TP53AIP1: variants seen among roughly 807,000 people sequenced by gnomAD.
The protein encoded by TP53AIP1 is tumor protein p53 regulated apoptosis inducing protein 1.
In TP53AIP1, 14 loss-of-function variants were observed where a neutral mutation model predicts 9.5. The ratio of observed to expected loss-of-function variants is 1.47; its 90% CI spans 0.97 to 2.30. The LOEUF is 2.30. TP53AIP1 is among the 30% of genes most tolerant of loss of function. TP53AIP1 has a pLI of 0.00. For synonymous variants in TP53AIP1, 73 were observed against 61.2 expected (o/e 1.19, Z -0.90); for missense variants, 153 against 146.7 (o/e 1.04, Z -0.22).
chr11:128,936,696 TTGGA>T lies in TP53AIP1; in HGVS notation c.142-51_142-48del, dbSNP rs766957711. ...CTGTGAGGCCCTGCAGCGCCGTCTC[TTGGA>T]TGGTTTATTCTTCTCTGGCAGGTTT... On this transcript the variant is annotated intron_variant, in intron 2 of 3. Coordinates refer to ENST00000531399, the MANE Select transcript of TP53AIP1 (RefSeq NM_022112.3). 9.1e-6 allele frequency: 14 copies of T among 1,531,588 alleles called. 1 individual carries two copies. Among genetic ancestry groups the T allele is most frequent in the Middle Eastern group, 3.4e-4 (2 of 5,902 alleles). 94.9% of individuals were successfully genotyped at this position (1,531,588 alleles called of 1,614,324 possible). A position where few individuals can be genotyped will look rare whatever the true frequency, so the allele number is the denominator to read the frequency against.
intron 1 of TP53AIP1, among the ~76,000 whole-genome samples, chr11:128,941,233 G>GC (rs1944936153): frequency 6.6e-6 from 1 of 152,136 alleles, no homozygotes. Context: ...CTGTCTTCTT[G>GC]CCCCGCTCTG....
intron 2 of TP53AIP1, 38 bp from the exon 3 acceptor site, chr11:128,936,687 C>T (rs373379509): frequency 4.8e-5 from 74 of 1,542,806 alleles, no homozygotes; most frequent in African/African-American, 1.9e-4. Context: ...GGCCCTGCAG[C>T]GCCGTCTCTT....
At position 128,939,185 on chromosome 11, in the gene TP53AIP1, G is replaced by A. The variant is rs1944894837; in HGVS notation, c.-76-1291C>T. 6.6e-6 allele frequency among the ~76,000 whole-genome samples: 1 copy of A among 152,176 alleles called. No individual in the cohort carries two copies. Among genetic ancestry groups the A allele is most frequent in the South Asian group, 2.1e-4 (1 of 4,832 alleles). The stretch of plus-strand genomic sequence containing the variant: ...CTTCAATACCAGGATTGAGCCCAAA[G>A]GTCACGTTCTTTCCCTGCGGCTCCC... On this transcript the variant is annotated intron_variant, in intron 1 of 3. Coordinates refer to ENST00000531399, the MANE Select transcript of TP53AIP1 (RefSeq NM_022112.3). This position sits in a 1 kb window ranked among gnomAD's most constrained non-coding sequence, Gnocchi z 4.1.
At position 128,937,275 on chromosome 11, in the gene TP53AIP1, C is replaced by T. The variant is rs1348382522; in HGVS notation, c.141+403G>A. On this transcript the variant is annotated intron_variant, in intron 2 of 3. Coordinates refer to ENST00000531399, the MANE Select transcript of TP53AIP1 (RefSeq NM_022112.3). This position sits in a 1 kb window ranked among gnomAD's most constrained non-coding sequence, Gnocchi z 4.8. The stretch of plus-strand genomic sequence containing the variant: ...AGGATCCGGGGTGGACGCAGAAGAG[C>T]AGGCCCGGAGCCCTGCACCCCAGCC... 38 of 1,317,518 alleles carry T rather than the reference C, an allele frequency of 2.9e-5. No individual in the cohort carries two copies. Among genetic ancestry groups the T allele is most frequent in the Non-Finnish European group, 3.7e-5 (38 of 1,036,444 alleles). 81.6% of individuals were successfully genotyped at this position (1,317,518 alleles called of 1,614,324 possible).
chr11:128,935,309 T>A (rs1369082308), downstream of TP53AIP1: 15 of 1,421,294 alleles, frequency 1.1e-5, no homozygotes, highest in Non-Finnish European at 1.3e-5. Flanking sequence ...TTTGTGGAGA[T>A]GCATCGTTTT....
chr11:128,940,591 CTG>C (rs1188467265), intron 1 of TP53AIP1, among the ~76,000 whole-genome samples: 2 of 152,230 alleles, frequency 1.3e-5, no homozygotes, highest in Non-Finnish European at 2.9e-5. Flanking sequence ...AAAGCAGAGA[CTG>C]GAGCCATCAC....
chr11:128,937,568 G>A lies in TP53AIP1; in HGVS notation c.141+110C>T. On this transcript the variant is annotated intron_variant, in intron 2 of 3. Coordinates refer to ENST00000531399, the MANE Select transcript of TP53AIP1 (RefSeq NM_022112.3). The surrounding 1 kb of genome is among the most constrained non-coding windows in gnomAD (Gnocchi z 4.8). The stretch of plus-strand genomic sequence containing the variant: ...CTCTGAGGACCCAGATGCTGTCACT[G>A]GGTCCTGGTGAGTCTGAAAACTTGG... 6.2e-7 allele frequency: 1 copy of A among 1,614,144 alleles called. No individual in the cohort carries two copies. Among genetic ancestry groups the A allele is most frequent in the Non-Finnish European group, 8.5e-7 (1 of 1,180,016 alleles).
downstream of TP53AIP1, chr11:128,935,044 A>C (rs1291396943): frequency 1.4e-6 from 1 of 703,454 alleles, no homozygotes. Flanking sequence ...CTCTTACTGC[A>C]CTGAAAAACA....
At chr11:128,936,211 G>A (rs1171979908) in intron 3 of TP53AIP1, 1 of 1,080,170 alleles carries the variant, frequency 9.3e-7, no homozygotes, top group Non-Finnish European at 1.1e-6. Context: ...ACTAAAGTTG[G>A]AATGGAAGAC....
In TP53AIP1 at chr11:128,935,518, G is replaced by A; in HGVS notation, c.*73C>T. The A allele has an allele frequency of 6.6e-7, 1 of 1,507,896 alleles. No individual in the cohort carries two copies. The highest frequency in any genetic ancestry group is 1.3e-5 in the South Asian group (1 of 79,360). The allele number at this position is 1,507,896 out of a possible 1,614,324, so 93.4% of individuals were successfully genotyped here. On this transcript the variant is annotated 3_prime_UTR_variant, in exon 4 of 4. Transcript: ENST00000531399. ...CATTTCTCGACGGTGCTTTCTGTTT[G>A]TTTGTTTGTTTTTGTTTTGAGATGG...
chr11:128,936,271 G>C, intron 3 of TP53AIP1: 1 of 1,199,270 alleles, frequency 8.3e-7, no homozygotes, highest in Non-Finnish European at 1.0e-6. Context: ...GCCCATTCCA[G>C]AAAGTTCAGT....
chr11:128,935,335 G>A (rs566741663), downstream of TP53AIP1: 622 of 1,416,672 alleles, frequency 4.4e-4, 1 homozygote, highest in Non-Finnish European at 5.1e-4. Flanking sequence ...TTTAGCAAGT[G>A]GATATTATAG....
chr11:128,935,684 G>C lies in TP53AIP1; in HGVS notation c.282C>G (p.Phe94Leu), dbSNP rs267602776. The change falls in exon 4 of 4, where the codon TTC becomes TTG. Residue 94 changes from phenylalanine to leucine, a missense_variant. By Grantham distance (22) the Phe-to-Leu change is conservative. Coordinates refer to ENST00000531399, the MANE Select transcript of TP53AIP1 (RefSeq NM_022112.3). Reference sequence around the variant, plus strand: ...CTCTAAGCACTGTGGCTCCAGGAAGGAAAGGCCTGGAGAGACCTAGACCAA... The same window carrying C: ...CTCTAAGCACTGTGGCTCCAGGAAGCAAAGGCCTGGAGAGACCTAGACCAA... ...TGLGLGLSRP[F>L]LPGATVLRDR... is the part of the protein sequence containing the mutation. 6.3e-7 allele frequency: 1 copy of C among 1,583,406 alleles called. No homozygotes were observed. The highest frequency in any genetic ancestry group is 8.5e-7 in the Non-Finnish European group (1 of 1,172,374).
At chr11:128,941,636 C>T (rs771772207) in intron 1 of TP53AIP1, among the ~76,000 whole-genome samples, 9 of 152,238 alleles carry the variant, frequency 5.9e-5, no homozygotes, top group African/African-American at 9.6e-5. Context: ...CTGCTTGCCC[C>T]GGCTGCTGGG....
Position 128,939,888 on chromosome 11 carries a change from G to A in TP53AIP1, c.-76-1994C>T, listed in dbSNP as rs897206233. On this transcript the variant is annotated intron_variant, in intron 1 of 3. Coordinates refer to ENST00000531399, the MANE Select transcript of TP53AIP1 (RefSeq NM_022112.3). This position sits in a 1 kb window ranked among gnomAD's most constrained non-coding sequence, Gnocchi z 4.1. ...TCCTTCTATTTCCTGTTTGAAAAGT[G>A]AAGCGTTAACACGAAGGAGGGTCCC... Among the ~76,000 whole-genome samples the A allele has an allele frequency of 6.6e-6, 1 of 152,216 alleles. No individual in the cohort carries two copies. Among genetic ancestry groups the A allele is most frequent in the African/African-American group, 2.4e-5 (1 of 41,448 alleles).
chr11:128,936,329 A>G, intron 3 of TP53AIP1: 1 of 1,368,258 alleles, frequency 7.3e-7, no homozygotes, highest in Non-Finnish European at 9.4e-7. Context: ...GTGTACCGTT[A>G]CCTTTTATTT....
In TP53AIP1 at chr11:128,937,138, A is replaced by C; in HGVS notation, c.142-489T>G. On this transcript the variant is annotated intron_variant, in intron 2 of 3. Coordinates refer to ENST00000531399, the MANE Select transcript of TP53AIP1 (RefSeq NM_022112.3). The surrounding 1 kb of genome is among the most constrained non-coding windows in gnomAD (Gnocchi z 4.8). The stretch of plus-strand genomic sequence containing the variant: ...ATGAATGCATGGCCCCTGCATCCTT[A>C]CCCCCTCCTCAGAGCCCACAAGCTT... The C allele has an allele frequency of 9.3e-7, 1 of 1,069,570 alleles. No homozygotes were observed. The highest frequency in any genetic ancestry group is 3.7e-5 in the South Asian group (1 of 26,940). The allele number at this position is 1,069,570 out of a possible 1,614,324, so 66.3% of individuals were successfully genotyped here. A position where few individuals can be genotyped will look rare whatever the true frequency, so the allele number is the denominator to read the frequency against.
downstream of TP53AIP1, chr11:128,935,245 C>T (rs961867391): frequency 4.8e-5 from 68 of 1,421,872 alleles, no homozygotes; most frequent in East Asian, 2.5e-4. Flanking sequence ...GGAGTGCCCT[C>T]GGGCGTGCCA....
chr11:128,936,591 G>A lies in TP53AIP1; in HGVS notation c.200C>T (p.Ala67Val), dbSNP rs1361209218. 6.3e-7 allele frequency: 1 copy of A among 1,588,582 alleles called. No homozygotes were observed. The highest frequency in any genetic ancestry group is 8.5e-7 in the Non-Finnish European group (1 of 1,175,424). Residue 67 changes from alanine (A) to valine (V), a missense_variant, in exon 3 of 4, where the codon GCT becomes GTT. Transcript: ENST00000531399. ...QVHGGCRGIEALSVSSGSWSS... is the reference protein window; with the variant it reads ...QVHGGCRGIEVLSVSSGSWSS... ...CCAAGATCCAGACGAGACTGACAGA[G>A]CTTCTATTCCCCGGCACCCTCCGTG...
Sources: gnomAD v4.1 joint callset for allele counts (sites outside exome capture counted in the v4.1 genomes callset) on GRCh38, gnomAD v4.1.1 for gene constraint, Gnocchi (gnomAD v3.1) non-coding constraint, MANE v1.5 for transcripts, NCBI Gene and HGNC (gene_info 2026-07-23, HGNC 2026-07-21) for gene names.